PTPRO: variants seen among roughly 807,000 people sequenced by gnomAD.
PTPRO encodes receptor-type tyrosine-protein phosphatase O.
In PTPRO, 62 loss-of-function variants were observed where a neutral mutation model predicts 145.2. The ratio of observed to expected loss-of-function variants is 0.43; its 90% CI spans 0.35 to 0.53. The LOEUF (loss-of-function observed/expected upper bound fraction) is 0.53, where lower values mean the gene tolerates loss of function less well. Among genes scored for constraint, PTPRO ranks in the 20% least tolerant of loss-of-function variants. PTPRO has a pLI of 0.01. For missense variants in PTPRO, 1,345 were observed against 1,482.7 expected, an observed-to-expected ratio of 0.91 and a Z score of 1.53; for synonymous variants, 565 against 514.7, an observed-to-expected ratio of 1.10 and a Z score of -1.32.
intron 25 of PTPRO, among the ~76,000 whole-genome samples, chr12:15,594,718 T>C (rs1944622798): frequency 6.6e-6 from 1 of 152,120 alleles, no homozygotes; most frequent in South Asian, 2.1e-4. Flanking sequence ...AAAATTCCAC[T>C]GTTTTTTTAA....
intron 1 of PTPRO, among the ~76,000 whole-genome samples, chr12:15,421,860 C>T (rs1406660071): frequency 6.6e-6 from 1 of 152,126 alleles, no homozygotes; most frequent in Non-Finnish European, 1.5e-5. Context: ...AAGTTACTTG[C>T]TTTCTCTGCT....
intron 7 of PTPRO, among the ~76,000 whole-genome samples, chr12:15,509,854 G>A (rs1251873170): frequency 1.3e-5 from 2 of 152,100 alleles, no homozygotes; most frequent in African/African-American, 4.8e-5. Flanking sequence ...GCTAGCAGAA[G>A]GAACGCATAT....
intron 1 of PTPRO, among the ~76,000 whole-genome samples, chr12:15,452,881 A>G (rs1427943976): frequency 6.6e-6 from 1 of 151,944 alleles, no homozygotes; most frequent in Non-Finnish European, 1.5e-5. Flanking sequence ...CTCTTTTCTG[A>G]CTCTTTAATA....
intron 15 of PTPRO, among the ~76,000 whole-genome samples, chr12:15,554,974 G>C (rs1463356620): frequency 6.6e-6 from 1 of 152,172 alleles, no homozygotes; most frequent in Non-Finnish European, 1.5e-5. Context: ...CTGCACAGTG[G>C]CTCATGCTTG....
At chr12:15,341,737 A>G (rs1051335073) in intron 1 of PTPRO, among the ~76,000 whole-genome samples, 4 of 152,252 alleles carry the variant, frequency 2.6e-5, no homozygotes, top group African/African-American at 9.6e-5. Flanking sequence ...TATTAAATAA[A>G]ATATAGTATG....
chr12:15,336,372 G>A (rs76810262), intron 1 of PTPRO, among the ~76,000 whole-genome samples: 2,132 of 152,158 alleles, frequency 0.014, 70 homozygotes, highest in African/African-American at 0.049. Flanking sequence ...TCAATTGCAT[G>A]CAATTCCCAA....
chr12:15,473,768 C>CAAAAAAAAAAAAAAAAAAAAAAAAA (rs11340085), intron 1 of PTPRO, among the ~76,000 whole-genome samples: 7 of 65,576 alleles, frequency 1.1e-4, no homozygotes, highest in African/African-American at 4.3e-4. Context: ...GACTCCATCT[C>CAAAAAAAAAAAAAAAAAAAAAAAAA]AAAAAAAAAA....
intron 1 of PTPRO, among the ~76,000 whole-genome samples, chr12:15,379,823 G>A (rs771882636): frequency 9.2e-5 from 14 of 152,058 alleles, no homozygotes; most frequent in Non-Finnish European, 1.6e-4. Context: ...TCTTTTTGGG[G>A]TGATGAAAAT....
intron 1 of PTPRO, among the ~76,000 whole-genome samples, chr12:15,471,793 G>C (rs1244493897): frequency 1.3e-5 from 2 of 152,164 alleles, no homozygotes; most frequent in East Asian, 3.9e-4. Flanking sequence ...AATAATGGAA[G>C]ACTAGAGAGA....
At chr12:15,376,839 C>T (rs991188574) in intron 1 of PTPRO, among the ~76,000 whole-genome samples, 1 of 152,004 alleles carries the variant, frequency 6.6e-6, no homozygotes, top group African/African-American at 2.4e-5. Flanking sequence ...AGCCCCACAC[C>T]CTAATTCTAT....
At chr12:15,532,152 T>C (rs1159080053) in intron 12 of PTPRO, among the ~76,000 whole-genome samples, 1 of 152,216 alleles carries the variant, frequency 6.6e-6, no homozygotes, top group African/African-American at 2.4e-5. Context: ...AGACAAAAGC[T>C]AAGTTTTTGT....
At chr12:15,595,257 T>TA (rs769967736) in intron 26 of PTPRO, 200 bp downstream of exon 26, 31 of 548,020 alleles carry the variant, frequency 5.7e-5, no homozygotes, top group Admixed American at 1.1e-4. Context: ...CAATGCACCT[T>TA]GGTTGGTGTT....
chr12:15,512,910 C>G (rs1037358343), intron 7 of PTPRO, among the ~76,000 whole-genome samples: 1 of 151,882 alleles, frequency 6.6e-6, no homozygotes, highest in African/African-American at 2.4e-5. Flanking sequence ...ACAAGAATCA[C>G]GTGAACCCAG....
rs549452568 is a variant in PTPRO at position 15,499,720 on chromosome 12, C to A, written c.661+126C>A. The A allele has an allele frequency of 2.4e-5, 26 of 1,098,490 alleles. No homozygotes were observed. The African/African-American group carries it at 3.2e-4, about 14-fold the overall frequency. The allele number at this position is 1,098,490 out of a possible 1,614,324, so 68.0% of individuals were successfully genotyped here. On this transcript the variant is annotated intron_variant, in intron 4 of 26. Transcript: ENST00000281171. Reference sequence around the variant, plus strand: ...GAAAGAAAATATATATGTTTAATAACCTAAAACAGATTTTCTATCAATATA... The same window carrying A: ...GAAAGAAAATATATATGTTTAATAAACTAAAACAGATTTTCTATCAATATA...
At chr12:15,520,338 C>G (rs749093650) in intron 10 of PTPRO, 26 bp downstream of exon 10, 2 of 1,531,692 alleles carry the variant, frequency 1.3e-6, no homozygotes, top group Non-Finnish European at 1.8e-6. Context: ...GGAACAGTTC[C>G]ACAAGGAGAG....
chr12:15,519,896 C>T (rs1388977798), intron 9 of PTPRO, among the ~76,000 whole-genome samples: 1 of 152,120 alleles, frequency 6.6e-6, no homozygotes, highest in Non-Finnish European at 1.5e-5. Flanking sequence ...AATGTATGTA[C>T]AGTCACTTAT....
At chr12:15,527,875 A>AACCCCCCCCCCCCCCCCC in intron 12 of PTPRO, among the ~76,000 whole-genome samples, 1 of 137,646 alleles carries the variant, frequency 7.3e-6, no homozygotes, top group Non-Finnish European at 1.6e-5. Context: ...GGGAACTGTG[A>AACCCCCCCCCCCCCCCCC]CCCGCCCACG....
At chr12:15,384,833 TGA>T (rs1463014112) in intron 1 of PTPRO, among the ~76,000 whole-genome samples, 4 of 152,216 alleles carry the variant, frequency 2.6e-5, no homozygotes, top group East Asian at 1.9e-4. Flanking sequence ...CAAAAAATTG[TGA>T]GTTTTTCTTG....
intron 1 of PTPRO, among the ~76,000 whole-genome samples, chr12:15,429,681 T>C (rs1940379746): frequency 6.6e-6 from 1 of 152,134 alleles, no homozygotes; most frequent in Admixed American, 6.6e-5. Flanking sequence ...TACAGTTATT[T>C]GTGTCATTAA....
Sources: allele counts gnomAD v4.1 joint callset (sites outside exome capture counted in the v4.1 genomes callset), GRCh38; gene constraint gnomAD v4.1.1; transcripts MANE v1.5; gene names NCBI Gene and HGNC (gene_info 2026-07-23, HGNC 2026-07-21).